FOCAD: variants seen among roughly 807,000 people sequenced by gnomAD.
FOCAD encodes KIAA1797.
In FOCAD, 198 loss-of-function variants were observed where a neutral mutation model predicts 225.6. The observed-to-expected ratio is 0.88, with a 90% CI of 0.78 to 0.99. The LOEUF (loss-of-function observed/expected upper bound fraction) is 0.99. FOCAD is among the 50% of genes least tolerant of loss of function. FOCAD has a pLI of 0.00. For missense variants in FOCAD, 2,713 were observed against 2,123.6 expected (o/e 1.28, Z -5.46); for synonymous variants, 897 against 755.0 (o/e 1.19, Z -3.08).
chr9:20,716,339 AAT>A (rs965752801), intron 2 of FOCAD, among the ~76,000 whole-genome samples: 1 of 151,584 alleles, frequency 6.6e-6, no homozygotes. Context: ...AGGTGAAAAA[AAT>A]ATATATATAT....
chr9:20,870,818 T>C (rs994731763), intron 18 of FOCAD, among the ~76,000 whole-genome samples: 4 of 152,216 alleles, frequency 2.6e-5, no homozygotes, highest in Non-Finnish European at 5.9e-5. Flanking sequence ...ATTTTTGTCT[T>C]CTGACATTTT....
chr9:20,681,607 G>C (rs1261490716), upstream of FOCAD, among the ~76,000 whole-genome samples: 14 of 152,204 alleles, frequency 9.2e-5, no homozygotes, highest in East Asian at 2.7e-3. Context: ...CTCTAGTCTT[G>C]TCAAAATAAA....
chr9:20,952,254 A>G lies in FOCAD; in HGVS notation c.4052-731A>G, dbSNP rs371323199. Among the ~76,000 whole-genome samples, 4 of 152,306 alleles carry G rather than the reference A, an allele frequency of 2.6e-5. No homozygotes were observed. The East Asian group carries it at 7.7e-4, about 29-fold the overall frequency. ...ATATACTCAAATCAGGTACTAGTGA[A>G]TCATCTTATACCCAGGTTCTTCTGA... On this transcript the variant is annotated intron_variant, in intron 34 of 43. Transcript: ENST00000338382.
At chr9:20,671,682 A>G (rs914681726) in intron 2 of FOCAD, among the ~76,000 whole-genome samples, 1 of 152,240 alleles carries the variant, frequency 6.6e-6, no homozygotes, top group Non-Finnish European at 1.5e-5. Flanking sequence ...TGTTTAACAG[A>G]TGCTGGGGCA....
chr9:20,690,650 GT>G (rs1293909049), intron 1 of FOCAD, among the ~76,000 whole-genome samples: 2 of 152,168 alleles, frequency 1.3e-5, no homozygotes, highest in Non-Finnish European at 2.9e-5. Context: ...CTGGGCTCAA[GT>G]GGTACTTCTG....
intron 5 of FOCAD, among the ~76,000 whole-genome samples, chr9:20,752,274 G>C (rs1459683756): frequency 7.9e-5 from 12 of 151,526 alleles, no homozygotes; most frequent in East Asian, 1.9e-4. Flanking sequence ...TTTTCTTCTA[G>C]GGTTTTTATG....
At position 20,926,425 on chromosome 9, in the gene FOCAD, C is replaced by T. The variant is rs745319568; in HGVS notation, c.3078+8C>T. The T allele has an allele frequency of 6.7e-7, 1 of 1,499,510 alleles. No individual in the cohort carries two copies. The highest frequency in any genetic ancestry group is 9.3e-7 in the Non-Finnish European group (1 of 1,079,212). The allele number at this position is 1,499,510 out of a possible 1,614,324, so 92.9% of individuals were successfully genotyped here. On this transcript the variant is annotated splice_region_variant and intron_variant, in intron 26 of 43. Transcript: ENST00000338382. Reference sequence around the variant, plus strand: ...CTCTCCTGGTTTTATTATGTAAGTGCAAAAAATAAAAAATGATCAGAAAAC... The same window carrying T: ...CTCTCCTGGTTTTATTATGTAAGTGTAAAAAATAAAAAATGATCAGAAAAC...
intron 24 of FOCAD, 72 bp from the exon 25 acceptor site, chr9:20,923,588 C>G (rs781772201): frequency 1.5e-4 from 178 of 1,154,028 alleles, no homozygotes; most frequent in Non-Finnish European, 2.2e-4. Flanking sequence ...CACCTGCCCT[C>G]CTATATTAGC....
intron 1 of FOCAD, among the ~76,000 whole-genome samples, chr9:20,701,860 A>G (rs756302441): frequency 1.6e-4 from 24 of 152,238 alleles, no homozygotes; most frequent in Admixed American, 4.6e-4. Context: ...CTGTTTGCAT[A>G]TGCTGATAAG....
chr9:20,729,765 C>G (rs1182548024), intron 4 of FOCAD, among the ~76,000 whole-genome samples: 2 of 152,120 alleles, frequency 1.3e-5, no homozygotes, highest in African/African-American at 4.8e-5. Flanking sequence ...CCTTTCAGCT[C>G]TAGCTTTGAA....
chr9:20,944,143 G>A (rs1836941236), intron 28 of FOCAD, among the ~76,000 whole-genome samples: 1 of 152,204 alleles, frequency 6.6e-6, no homozygotes, highest in Non-Finnish European at 1.5e-5. Flanking sequence ...ACACTTAGTA[G>A]TACCTCATAA....
rs775876770 is a variant in FOCAD at position 20,758,201 on chromosome 9, A to C, written c.494+10A>C. ...AGCAGTGCCCTGAAAGGTAATGTAA[A>C]ATAAAAGTGTAAAATAAAGTGAGGG... On this transcript the variant is annotated intron_variant, in intron 6 of 43. Transcript: ENST00000338382. 1 of 1,598,012 alleles carries C rather than the reference A, an allele frequency of 6.3e-7. No individual in the cohort carries two copies. The highest frequency in any genetic ancestry group is 1.1e-5 in the South Asian group (1 of 89,556).
At chr9:20,817,336 C>T (rs1018625551) in intron 11 of FOCAD, among the ~76,000 whole-genome samples, 1 of 152,076 alleles carries the variant, frequency 6.6e-6, no homozygotes, top group Non-Finnish European at 1.5e-5. Context: ...AAGGAAACCC[C>T]ATGCCCATAA....
chr9:20,803,397 G>C (rs1262146845), intron 11 of FOCAD, among the ~76,000 whole-genome samples: 2 of 152,146 alleles, frequency 1.3e-5, no homozygotes, highest in African/African-American at 4.8e-5. Context: ...CAGTGAATTG[G>C]TGACTCCCTG....
intron 10 of FOCAD, chr9:20,786,909 C>T: frequency 8.4e-6 from 3 of 355,040 alleles, no homozygotes; most frequent in Non-Finnish European, 1.7e-5. Context: ...CTACTTCCTC[C>T]TCTAAAAGCA....
chr9:20,756,660 C>T (rs951867855), intron 5 of FOCAD, among the ~76,000 whole-genome samples: 20 of 152,228 alleles, frequency 1.3e-4, no homozygotes, highest in Middle Eastern at 3.4e-3. Context: ...TCCTGCAGGG[C>T]TATTTATTAG....
At chr9:20,914,787 T>A (rs1409172755) in intron 23 of FOCAD, among the ~76,000 whole-genome samples, 2 of 152,096 alleles carry the variant, frequency 1.3e-5, no homozygotes, top group Non-Finnish European at 2.9e-5. Flanking sequence ...GACTCATGAT[T>A]TAAAAGGACC....
chr9:20,736,646 A>G (rs886234245), intron 4 of FOCAD, among the ~76,000 whole-genome samples: 2 of 152,234 alleles, frequency 1.3e-5, no homozygotes, highest in African/African-American at 4.8e-5. Context: ...GAAAGAGGGA[A>G]GAACATTATT....
chr9:20,799,623 A>T (rs975282844), intron 11 of FOCAD, among the ~76,000 whole-genome samples: 27 of 151,220 alleles, frequency 1.8e-4, no homozygotes, highest in African/African-American at 6.5e-4. Flanking sequence ...GTCTGTTTTG[A>T]TCTTTGTTGG....
Sources: gnomAD v4.1 joint callset for allele counts (sites outside exome capture counted in the v4.1 genomes callset) on GRCh38, gnomAD v4.1.1 for gene constraint, MANE v1.5 for transcripts, NCBI Gene and HGNC (gene_info 2026-07-23, HGNC 2026-07-21) for gene names.